The following CDK11B variants were observed in gnomAD, a reference collection of about 807,000 sequenced individuals.
CDK11B encodes cyclin dependent kinase 11B, also known as cyclin-dependent kinase 11B.
A neutral mutation model predicts 84.0 loss-of-function variants in CDK11B; 37 were observed. The observed-to-expected ratio is 0.44, with a 90% CI of 0.34 to 0.58. CDK11B has a LOEUF of 0.58. CDK11B is among the 20% of genes least tolerant of loss of function. The pLI is 0.02. For synonymous variants in CDK11B, 269 were observed against 309.8 expected (o/e 0.87, Z 1.38); for missense variants, 427 against 834.0 (o/e 0.51, Z 6.01).
intron 2 of CDK11B, among the ~76,000 whole-genome samples, chr1:1,656,352 G>A (rs1035612003): frequency 1.3e-5 from 2 of 152,088 alleles, no homozygotes; most frequent in African/African-American, 2.4e-5. Flanking sequence ...TTAGCCGAGC[G>A]TGCTGGCAGG....
At chr1:1,650,663 CCTTTT>C (rs1478653137) in intron 4 of CDK11B, among the ~76,000 whole-genome samples, 7 of 110,982 alleles carry the variant, frequency 6.3e-5, no homozygotes, top group Admixed American at 1.9e-4. Context: ...CCGCGCCCGG[CCTTTT>C]TTTTTTTTTT....
Position 1,637,506 on chromosome 1 carries a change from A to G in CDK11B, c.1472T>C (p.Val491Ala). ...GATCTTGTCCATGTTGCTGCCCACCACAATCTCCTGCAGGGCACGGCTCTG... is the reference window on the plus strand; with the variant it reads ...GATCTTGTCCATGTTGCTGCCCACCGCAATCTCCTGCAGGGCACGGCTCTG... ...HPNIVTVREI[V>A]VGSNMDKIYI... The change falls in exon 14 of 20, where the codon GTG becomes GCG. Residue 491 changes from valine to alanine, a missense_variant. Val to Ala is a moderately conservative substitution (Grantham distance 64). Coordinates refer to ENST00000341832, the MANE Select transcript of CDK11B (RefSeq NM_033486.3). 1 of 1,613,334 alleles carries G rather than the reference A, an allele frequency of 6.2e-7. No homozygotes were observed. Among genetic ancestry groups the G allele is most frequent in the Non-Finnish European group, 8.5e-7 (1 of 1,179,550 alleles).
rs1273043809 is a variant in CDK11B, at chr1:1,635,751, T to C, written c.*13A>G. ...CGGCTGAGTTCTCCCCATGACGGGG[T>C]CCACTCTGACCTTCAGAACTTGAGG... is the stretch of plus-strand genomic sequence containing the variant. On this transcript the variant is annotated 3_prime_UTR_variant, in exon 20 of 20. Transcript: ENST00000341832. 2.1e-4 allele frequency: 59 copies of C among 280,916 alleles called. 2 individuals carry two copies. The highest frequency in any genetic ancestry group is 3.3e-4 in the Non-Finnish European group (56 of 170,510). 17.4% of individuals were successfully genotyped at this position (280,916 alleles called of 1,614,324 possible).
chr1:1,643,615 C>T (rs977089366), intron 6 of CDK11B, among the ~76,000 whole-genome samples: 8 of 146,200 alleles, frequency 5.5e-5, no homozygotes, highest in Non-Finnish European at 1.0e-4. Context: ...AAGAAAATGA[C>T]GCGTGAACAC....
intron 2 of CDK11B, among the ~76,000 whole-genome samples, 166 bp from the exon 3 acceptor site, chr1:1,655,650 G>A (rs1444591890): frequency 6.6e-6 from 1 of 152,132 alleles, no homozygotes; most frequent in African/African-American, 2.4e-5. Context: ...TTGGCCGGGT[G>A]TGGTGGCTCA....
At chr1:1,654,421 G>A (rs1303650195) in intron 3 of CDK11B, among the ~76,000 whole-genome samples, 5 of 152,108 alleles carry the variant, frequency 3.3e-5, no homozygotes, top group African/African-American at 4.8e-5. Context: ...GCTATGGCAG[G>A]AAAACTCATT....
At chr1:1,641,570 G>C (rs1570082181) in intron 9 of CDK11B, 92 bp downstream of exon 9, 1 of 612,358 alleles carries the variant, frequency 1.6e-6, no homozygotes, top group Admixed American at 3.1e-5. Flanking sequence ...ATAGAAGGGA[G>C]TTTCAACTCC....
chr1:1,637,706 G>A (rs1171845263), intron 13 of CDK11B, 56 bp downstream of exon 13: 12 of 1,613,356 alleles, frequency 7.4e-6, no homozygotes, highest in Non-Finnish European at 1.0e-5. Context: ...GGACAGCACG[G>A]GGCCCTGTCA....
At chr1:1,650,415 G>A (rs1641837867) in intron 4 of CDK11B, among the ~76,000 whole-genome samples, 1 of 140,704 alleles carries the variant, frequency 7.1e-6, no homozygotes, top group Non-Finnish European at 1.5e-5. Context: ...GCCCAGGCTG[G>A]AGTGCAGTGG....
chr1:1,637,843 C>T lies in CDK11B; in HGVS notation c.1383G>A (p.Glu461=), dbSNP rs1468561348. 9 of 1,613,722 alleles carry T rather than the reference C, an allele frequency of 5.6e-6. No homozygotes were observed. The highest frequency in any genetic ancestry group is 7.6e-6 in the Non-Finnish European group (9 of 1,179,672). ...VALKRLKMEK[E]KEGFPITSLR... ...GCGACGTGATCGGGAAGCCCTCCTT[C>T]TCCTTCTCCATCTTCAGCCGCTTTA... is the stretch of plus-strand genomic sequence containing the variant. The change falls in exon 13 of 20, where the codon GAG becomes GAA. Residue 461 remains glutamate (E), a synonymous_variant. Coordinates refer to ENST00000341832, the MANE Select transcript of CDK11B (RefSeq NM_033486.3).
chr1:1,654,300 C>G (rs528833152), intron 3 of CDK11B: 36 of 385,896 alleles, frequency 9.3e-5, no homozygotes, highest in Admixed American at 8.9e-4. Flanking sequence ...CACACAGGGT[C>G]TTGCTCTGTT....
At chr1:1,639,417 C>CA (rs371621658) in intron 11 of CDK11B, among the ~76,000 whole-genome samples, 4,431 of 149,890 alleles carry the variant, frequency 0.03, 250 homozygotes, top group African/African-American at 0.098. Context: ...ACCCAGTCTC[C>CA]AAAAAAAAAG....
chr1:1,635,305 G>C lies in CDK11B; in HGVS notation c.*459C>G. On this transcript the variant is annotated 3_prime_UTR_variant, in exon 20 of 20. Coordinates refer to ENST00000341832, the MANE Select transcript of CDK11B (RefSeq NM_033486.3). Reference sequence around the variant, plus strand: ...CCTGTCGAGTCTGCTGGCACAGCTGGGGCTGGGGGTTGGGGGCCGGGGGCC... The same window carrying C: ...CCTGTCGAGTCTGCTGGCACAGCTGCGGCTGGGGGTTGGGGGCCGGGGGCC... 1 of 68,684 alleles carries C rather than the reference G, an allele frequency of 1.5e-5. No homozygotes were observed. Among genetic ancestry groups the C allele is most frequent in the South Asian group, 5.4e-4 (1 of 1,866 alleles). 4.3% of individuals were successfully genotyped at this position (68,684 alleles called of 1,614,324 possible).
At chr1:1,652,998 C>T (rs1642205799) in intron 3 of CDK11B, among the ~76,000 whole-genome samples, 2 of 151,942 alleles carry the variant, frequency 1.3e-5, no homozygotes. Flanking sequence ...GCTGGGATTA[C>T]AGGCGTGAGC....
At chr1:1,658,168 A>G (rs1287049418) in intron 1 of CDK11B, among the ~76,000 whole-genome samples, 18 of 149,424 alleles carry the variant, frequency 1.2e-4, no homozygotes, top group Admixed American at 9.9e-4. Flanking sequence ...TCAAAAAAAA[A>G]AGAAAAAAAA....
chr1:1,652,596 T>G (rs1294224852), intron 3 of CDK11B, 30 bp from the exon 4 acceptor site: 16 of 1,365,308 alleles, frequency 1.2e-5, no homozygotes, highest in Middle Eastern at 1.9e-4. Context: ...CACTGCATCA[T>G]GCTTGAGAAA....
At chr1:1,650,616 C>T (rs1449266226) in intron 4 of CDK11B, among the ~76,000 whole-genome samples, 5 of 149,576 alleles carry the variant, frequency 3.3e-5, no homozygotes, top group Admixed American at 6.6e-5. Context: ...CTGCCGGCCT[C>T]GGCCTCCCAA....
intron 4 of CDK11B, among the ~76,000 whole-genome samples, chr1:1,650,382 TG>T (rs1183415487): frequency 5.5e-5 from 8 of 146,340 alleles, no homozygotes; most frequent in East Asian, 2.0e-4. Context: ...TTTTTTTTTT[TG>T]GAGATGGAGT....
chr1:1,646,335 T>C lies in CDK11B; in HGVS notation c.495-1073A>G. 8.7e-6 allele frequency: 4 copies of C among 458,506 alleles called. No individual in the cohort carries two copies. The East Asian group carries it at 2.2e-4, about 26-fold the overall frequency. The allele number at this position is 458,506 out of a possible 1,614,324, so 28.4% of individuals were successfully genotyped here. ...ACATATGTTTAGCATACCATTTTAA[T>C]TTATTTGTACTTTTTAAAACACTAA... On this transcript the variant is annotated intron_variant, in intron 5 of 19. Transcript: ENST00000341832.
Sources: gnomAD v4.1 joint callset for allele counts (sites outside exome capture counted in the v4.1 genomes callset) on GRCh38, gnomAD v4.1.1 for gene constraint, MANE v1.5 for transcripts, NCBI Gene and HGNC (gene_info 2026-07-23, HGNC 2026-07-21) for gene names.